MBNL2: variants seen among roughly 807,000 people sequenced by gnomAD.
The protein encoded by MBNL2 is muscleblind-like protein 2.
Under a neutral mutation model 41.9 loss-of-function variants are expected in MBNL2, and 17 were observed. The observed-to-expected ratio is 0.41, with a 90% confidence interval of 0.28 to 0.61. The LOEUF (loss-of-function observed/expected upper bound fraction) is 0.61. Among genes scored for constraint, MBNL2 ranks in the 20% least tolerant of loss-of-function variants. MBNL2 has a pLI of 0.35. For missense variants in MBNL2, 336 were observed against 505.6 expected (o/e 0.66, Z 3.22); for synonymous variants, 195 against 182.9 (o/e 1.07, Z -0.53).
chr13:97,227,332 G>C (rs2041793682), intron 1 of MBNL2, among the ~76,000 whole-genome samples: 2 of 152,108 alleles, frequency 1.3e-5, no homozygotes, highest in African/African-American at 4.8e-5. Context: ...AGAGCTCCAG[G>C]GTGGTACATG....
chr13:97,246,110 C>T (rs2045410109), intron 1 of MBNL2, among the ~76,000 whole-genome samples: 1 of 152,158 alleles, frequency 6.6e-6, no homozygotes, highest in Non-Finnish European at 1.5e-5. Context: ...GAACTAGCCT[C>T]CAAAGTTGGC....
intron 1 of MBNL2, among the ~76,000 whole-genome samples, chr13:97,262,135 A>G (rs1437112742): frequency 6.6e-6 from 1 of 152,240 alleles, no homozygotes; most frequent in Non-Finnish European, 1.5e-5. Context: ...AGGATCCCGC[A>G]GGCACCAAAG....
At chr13:97,269,856 T>A (rs79188741) in intron 1 of MBNL2, among the ~76,000 whole-genome samples, 7 of 152,174 alleles carry the variant, frequency 4.6e-5, no homozygotes, top group Non-Finnish European at 1.0e-4. Flanking sequence ...CTACACCAGG[T>A]CTAATCCTGG....
chr13:97,317,813 T>C (rs1415038050), intron 2 of MBNL2, among the ~76,000 whole-genome samples: 1 of 152,258 alleles, frequency 6.6e-6, no homozygotes, highest in Non-Finnish European at 1.5e-5. Flanking sequence ...ACTGTATGAT[T>C]TATGAAACAT....
chr13:97,283,809 A>C (rs779502431), intron 2 of MBNL2, among the ~76,000 whole-genome samples: 6 of 152,230 alleles, frequency 3.9e-5, no homozygotes, highest in Non-Finnish European at 7.3e-5. Context: ...TTCTGTGCTA[A>C]GGAAGGAGAA....
chr13:97,197,695 T>C, the MBNL2 span, among the ~76,000 whole-genome samples: 16 of 152,218 alleles, frequency 1.1e-4, no homozygotes, highest in African/African-American at 3.9e-4. Flanking sequence ...TTTGAAGTAT[T>C]TCTAATTCCT....
chr13:97,191,697 G>A, the MBNL2 span, among the ~76,000 whole-genome samples: 2 of 152,162 alleles, frequency 1.3e-5, no homozygotes, highest in African/African-American at 4.8e-5. Context: ...TGTACCTATA[G>A]GCAAATGTAT....
chr13:97,241,404 CAG>C (rs2044255825), intron 1 of MBNL2, among the ~76,000 whole-genome samples: 1 of 152,152 alleles, frequency 6.6e-6, no homozygotes, highest in Non-Finnish European at 1.5e-5. Context: ...AAATTCAAAA[CAG>C]AGGAGGGAGT....
the MBNL2 span, among the ~76,000 whole-genome samples, chr13:97,188,201 G>C: frequency 6.6e-6 from 1 of 152,122 alleles, no homozygotes; most frequent in Non-Finnish European, 1.5e-5. Context: ...CAAGGAGGGG[G>C]TGTGATCCCA....
the MBNL2 span, among the ~76,000 whole-genome samples, chr13:97,189,641 T>G: frequency 2.6e-5 from 4 of 152,248 alleles, no homozygotes; most frequent in Admixed American, 2.6e-4. Flanking sequence ...TGTATGTGTG[T>G]CCATTTGCAT....
Position 97,392,159 on chromosome 13 carries a change from CA to C in MBNL2, c.*711del. The C allele has an allele frequency of 6.6e-6, 1 of 152,638 alleles. No individual in the cohort carries two copies. Among genetic ancestry groups the C allele is most frequent in the Non-Finnish European group, 1.5e-5 (1 of 68,018 alleles). The allele number at this position is 152,638 out of a possible 1,614,324, so 9.5% of individuals were successfully genotyped here. A position where few individuals can be genotyped will look rare whatever the true frequency, so the allele number is the denominator to read the frequency against. ...GAAGTGCCTAGATTTTGCCAGACTT[CA>C]TCCAGCTTGACAAGATTGAGAGGCC... On this transcript the variant is annotated 3_prime_UTR_variant, in exon 9 of 9. Transcript: ENST00000679496.
At chr13:97,262,782 T>G (rs1390208627) in intron 1 of MBNL2, among the ~76,000 whole-genome samples, 1 of 152,036 alleles carries the variant, frequency 6.6e-6, no homozygotes, top group Non-Finnish European at 1.5e-5. Context: ...TAATTTTTTT[T>G]GAGACAGAAT....
intron 1 of MBNL2, among the ~76,000 whole-genome samples, chr13:97,235,244 T>G (rs2043058748): frequency 6.6e-6 from 1 of 152,206 alleles, no homozygotes; most frequent in African/African-American, 2.4e-5. Context: ...AGTATTAGTT[T>G]TATTAATGCC....
chr13:97,144,525 G>A, the MBNL2 span, among the ~76,000 whole-genome samples: 3 of 146,544 alleles, frequency 2.0e-5, no homozygotes, highest in African/African-American at 5.2e-5. Context: ...TGCCTCCCGG[G>A]TTCAAGCAAT....
intron 1 of MBNL2, among the ~76,000 whole-genome samples, chr13:97,257,892 T>C (rs979914988): frequency 6.6e-6 from 1 of 152,190 alleles, no homozygotes; most frequent in African/African-American, 2.4e-5. Flanking sequence ...TCAGTGACTG[T>C]GATTTCGCCT....
chr13:97,243,754 C>T (rs1414256987), intron 1 of MBNL2, among the ~76,000 whole-genome samples: 6 of 152,086 alleles, frequency 3.9e-5, no homozygotes, highest in African/African-American at 7.2e-5. Context: ...AAACAACAAA[C>T]GAATTAAGAG....
At chr13:97,321,417 T>C (rs1473745940) in intron 2 of MBNL2, among the ~76,000 whole-genome samples, 1 of 152,146 alleles carries the variant, frequency 6.6e-6, no homozygotes, top group African/African-American at 2.4e-5. Flanking sequence ...TGGGACAGTG[T>C]CTGTTTTCTA....
At chr13:97,210,434 C>T in the MBNL2 span, among the ~76,000 whole-genome samples, 8 of 152,102 alleles carry the variant, frequency 5.3e-5, no homozygotes, top group South Asian at 2.1e-4. Flanking sequence ...GTTTTGAAAA[C>T]GGAGAGCCTG....
chr13:97,296,121 C>T (rs182155199), intron 2 of MBNL2, among the ~76,000 whole-genome samples: 168 of 152,248 alleles, frequency 1.1e-3, no homozygotes, highest in African/African-American at 3.5e-3. Context: ...ATTCTATCCA[C>T]GCTAAATAAT....
Sources: allele counts gnomAD v4.1 joint callset (sites outside exome capture counted in the v4.1 genomes callset), GRCh38; gene constraint gnomAD v4.1.1; transcripts MANE v1.5; gene names NCBI Gene and HGNC (gene_info 2026-07-23, HGNC 2026-07-21).